KLF8: variants seen among roughly 807,000 people sequenced by gnomAD.
KLF8 encodes the protein Krueppel-like factor 8.
Under a neutral mutation model 18.2 loss-of-function variants are expected in KLF8, and 10 were observed. That is an observed-to-expected ratio of 0.55 (90% CI 0.34 to 0.93). The LOEUF is 0.93. Among genes scored for constraint, KLF8 ranks in the 40% least tolerant of loss-of-function variants. The probability of loss-of-function intolerance (pLI) is 0.02; values close to 1 mark genes in which losing one functional copy is unlikely to be tolerated. For missense variants in KLF8, 264 were observed against 277.9 expected (o/e 0.95, Z 0.36); for synonymous variants, 109 against 97.3 (o/e 1.12, Z -0.71).
chrX:56,213,314 C>CTTTTTTTTTTTTTTTTTTTTTTTTTT, the KLF8 span, among the ~76,000 whole-genome samples: 7 of 12,011 alleles, frequency 5.8e-4, no homozygotes, highest in Non-Finnish European at 9.9e-4. Context: ...CTTTTCTTTT[C>CTTTTTTTTTTTTTTTTTTTTTTTTTT]TTTTTTTTTT....
chrX:55,988,422 C>T, the KLF8 span, among the ~76,000 whole-genome samples: 8 of 112,070 alleles, frequency 7.1e-5, no homozygotes, highest in East Asian at 2.8e-4. Context: ...CTACATATGG[C>T]TAGCCAGTTT....
At chrX:56,085,786 A>G in the KLF8 span, among the ~76,000 whole-genome samples, 1 of 112,321 alleles carries the variant, frequency 8.9e-6, no homozygotes, top group Non-Finnish European at 1.9e-5. Context: ...GGAAAGTAAA[A>G]TAAACCCAGT....
chrX:56,193,398 G>C, the KLF8 span, among the ~76,000 whole-genome samples: 1 of 111,771 alleles, frequency 8.9e-6, no homozygotes, highest in Non-Finnish European at 1.9e-5. Context: ...AACCACCATG[G>C]AGAACAGTTT....
chrX:55,941,859 A>T, the KLF8 span, among the ~76,000 whole-genome samples: 1 of 112,052 alleles, frequency 8.9e-6, no homozygotes, highest in Admixed American at 9.5e-5. Flanking sequence ...TTAAAAAGTC[A>T]GAAAACAACA....
At chrX:56,155,372 A>T in the KLF8 span, among the ~76,000 whole-genome samples, 3 of 110,803 alleles carry the variant, frequency 2.7e-5, no homozygotes, top group Non-Finnish European at 5.7e-5. Context: ...ACCAAACATC[A>T]CATGTTCTCT....
the KLF8 span, among the ~76,000 whole-genome samples, chrX:56,116,634 G>GAGATATATATATAT: frequency 1.3e-5 from 1 of 78,191 alleles, no homozygotes; most frequent in African/African-American, 4.9e-5. Context: ...ATGATGTTCT[G>GAGATATATATATAT]ATATATATAT....
chrX:56,107,696 C>T, the KLF8 span, among the ~76,000 whole-genome samples: 4 of 111,477 alleles, frequency 3.6e-5, no homozygotes, highest in Non-Finnish European at 7.5e-5. Flanking sequence ...CGATGCCCTG[C>T]TCTGCTTCAG....
chrX:56,057,125 C>T, the KLF8 span, among the ~76,000 whole-genome samples: 1 of 111,494 alleles, frequency 9.0e-6, no homozygotes, highest in Non-Finnish European at 1.9e-5. Context: ...TTGCAAGGTT[C>T]ATGATGGTGG....
the KLF8 span, among the ~76,000 whole-genome samples, chrX:56,147,998 A>T: frequency 8.9e-6 from 1 of 112,099 alleles, no homozygotes. Context: ...AAAACTAGAG[A>T]GAAGCAATGG....
the KLF8 span, among the ~76,000 whole-genome samples, chrX:56,136,338 A>T: frequency 9.0e-6 from 1 of 111,629 alleles, no homozygotes; most frequent in Non-Finnish European, 1.9e-5. Context: ...GCATCACACT[A>T]CCTGACTTCA....
At chrX:56,252,203 A>T (rs767779291) in intron 2 of KLF8, among the ~76,000 whole-genome samples, 1 of 111,284 alleles carries the variant, frequency 9.0e-6, no homozygotes, top group South Asian at 3.8e-4. Flanking sequence ...TAGTAGAGAC[A>T]GGGTTTCACC....
chrX:56,210,469 C>G, the KLF8 span, among the ~76,000 whole-genome samples: 1 of 111,235 alleles, frequency 9.0e-6, no homozygotes, highest in African/African-American at 3.3e-5. Flanking sequence ...ATGATTCTTT[C>G]GTTATCCTTA....
the KLF8 span, among the ~76,000 whole-genome samples, chrX:56,140,816 A>AAG: frequency 0.077 from 8,031 of 104,373 alleles, 689 homozygotes; most frequent in African/African-American, 0.23. Context: ...AAAAAAAAAA[A>AAG]AAAGAAATGC....
chrX:56,170,506 A>T, the KLF8 span, among the ~76,000 whole-genome samples: 3 of 109,972 alleles, frequency 2.7e-5, no homozygotes, highest in African/African-American at 9.9e-5. Context: ...AATTTAAAAG[A>T]ATCAAGCAGA....
chrX:56,180,557 G>A, the KLF8 span, among the ~76,000 whole-genome samples: 38 of 110,576 alleles, frequency 3.4e-4, 2 homozygotes, highest in East Asian at 0.01. Context: ...GTGATGTTAG[G>A]CTGTCAATTT....
intron 5 of KLF8, among the ~76,000 whole-genome samples, chrX:56,276,357 G>T (rs1467360325): frequency 2.7e-5 from 3 of 111,597 alleles, no homozygotes; most frequent in Non-Finnish European, 5.6e-5. Context: ...TGTACCTTCA[G>T]ATGATTTCTT....
the KLF8 span, among the ~76,000 whole-genome samples, chrX:56,181,792 C>T: frequency 9.5e-6 from 1 of 105,426 alleles, no homozygotes; most frequent in Non-Finnish European, 1.9e-5. Flanking sequence ...ATATTGCTCC[C>T]CCCCCTTCTG....
At chrX:56,138,085 A>T in the KLF8 span, among the ~76,000 whole-genome samples, 1 of 102,825 alleles carries the variant, frequency 9.7e-6, no homozygotes, top group South Asian at 4.7e-4. Flanking sequence ...GACTATTATG[A>T]GCACATCTAT....
chrX:55,914,908 T>C, the KLF8 span, among the ~76,000 whole-genome samples: 18 of 111,508 alleles, frequency 1.6e-4, no homozygotes, highest in African/African-American at 5.8e-4. Context: ...TATTCTTTAC[T>C]ATTCAAAACA....
Sources: allele counts gnomAD v4.1 joint callset (sites outside exome capture counted in the v4.1 genomes callset), GRCh38; gene constraint gnomAD v4.1.1; transcripts MANE v1.5; gene names NCBI Gene and HGNC (gene_info 2026-07-23, HGNC 2026-07-21).